Variants in PTPRD observed in about 807,000 individuals in gnomAD.
PTPRD encodes the protein protein tyrosine phosphatase receptor type D.
PTPRD carries 34 observed loss-of-function variants against 214.5 expected under a neutral mutation model. The ratio of observed to expected loss-of-function variants is 0.16; its 90% CI spans 0.12 to 0.21. The LOEUF is 0.21. PTPRD is among the 10% of genes least tolerant of loss of function. The probability of loss-of-function intolerance (pLI) is 1.00; values close to 1 mark genes in which losing one functional copy is unlikely to be tolerated. For missense variants in PTPRD, 2,545 were observed against 2,398.7 expected, an observed-to-expected ratio of 1.06 and a Z score of -1.27; for synonymous variants, 1,128 against 845.7, an observed-to-expected ratio of 1.33 and a Z score of -5.79.
At chr9:9,988,332 CT>C (rs2095794591) in intron 4 of PTPRD, among the ~76,000 whole-genome samples, 1 of 152,124 alleles carries the variant, frequency 6.6e-6, no homozygotes, top group South Asian at 2.1e-4. Flanking sequence ...TTTGTTTTCT[CT>C]ATCAGAAGTT....
chr9:9,045,970 GC>G (rs2099671196), intron 10 of PTPRD, among the ~76,000 whole-genome samples: 1 of 152,142 alleles, frequency 6.6e-6, no homozygotes, highest in African/African-American at 2.4e-5. Flanking sequence ...CCTCGGTTCT[GC>G]ACAGTTTGTA....
intron 11 of PTPRD, among the ~76,000 whole-genome samples, chr9:8,762,112 A>G (rs975334228): frequency 6.6e-6 from 1 of 152,170 alleles, no homozygotes; most frequent in East Asian, 1.9e-4. Flanking sequence ...GTGTGTGTGT[A>G]TATATATACA....
chr9:10,577,379 A>C (rs1289383588), intron 2 of PTPRD, among the ~76,000 whole-genome samples: 1 of 152,216 alleles, frequency 6.6e-6, no homozygotes. Flanking sequence ...ATTGAATGGT[A>C]AGTCAAATTA....
At chr9:9,248,514 G>A (rs1001316099) in intron 9 of PTPRD, among the ~76,000 whole-genome samples, 1 of 152,062 alleles carries the variant, frequency 6.6e-6, no homozygotes, top group African/African-American at 2.4e-5. Flanking sequence ...AGTAAGCAAT[G>A]GTGGAGACAG....
chr9:9,238,776 C>T (rs7038241), intron 9 of PTPRD, among the ~76,000 whole-genome samples: 2 of 152,182 alleles, frequency 1.3e-5, no homozygotes, highest in African/African-American at 2.4e-5. Context: ...CTTTTATCTT[C>T]ATTTTGAGAG....
chr9:10,079,035 T>C (rs988651757), intron 3 of PTPRD, among the ~76,000 whole-genome samples: 2 of 152,132 alleles, frequency 1.3e-5, no homozygotes, highest in African/African-American at 4.8e-5. Flanking sequence ...AACAATTATG[T>C]GCACATAACT....
intron 10 of PTPRD, among the ~76,000 whole-genome samples, chr9:9,105,786 G>T (rs980329325): frequency 6.6e-6 from 1 of 152,176 alleles, no homozygotes; most frequent in African/African-American, 2.4e-5. Context: ...AATTGATGTG[G>T]CTTTGCTTAA....
At chr9:10,157,329 T>A (rs1463000418) in intron 3 of PTPRD, among the ~76,000 whole-genome samples, 2 of 152,216 alleles carry the variant, frequency 1.3e-5, no homozygotes, top group African/African-American at 4.8e-5. Context: ...TGGTCTGGTT[T>A]TTACAAATTC....
At chr9:8,685,456 G>A (rs1190059100) in intron 12 of PTPRD, among the ~76,000 whole-genome samples, 1 of 152,102 alleles carries the variant, frequency 6.6e-6, no homozygotes, top group Non-Finnish European at 1.5e-5. Context: ...TGGAGTTTCA[G>A]AAGAACTCCT....
intron 35 of PTPRD, among the ~76,000 whole-genome samples, chr9:8,417,423 C>G (rs901878744): frequency 1.3e-5 from 2 of 152,114 alleles, no homozygotes; most frequent in Non-Finnish European, 1.5e-5. Flanking sequence ...GCTGTATTGG[C>G]AGAAACTACT....
intron 11 of PTPRD, among the ~76,000 whole-genome samples, chr9:8,927,283 A>G (rs1295405911): frequency 6.6e-6 from 1 of 152,066 alleles, no homozygotes; most frequent in African/African-American, 2.4e-5. Flanking sequence ...GCAGGCTTGT[A>G]ACATAGGCAT....
chr9:10,591,600 A>T (rs2075454858), intron 2 of PTPRD, among the ~76,000 whole-genome samples: 1 of 151,980 alleles, frequency 6.6e-6, no homozygotes, highest in Non-Finnish European at 1.5e-5. Flanking sequence ...GAAACAGAAA[A>T]CGAGGTCACA....
At chr9:9,325,496 C>T (rs1300581463) in intron 9 of PTPRD, among the ~76,000 whole-genome samples, 1 of 152,038 alleles carries the variant, frequency 6.6e-6, no homozygotes, top group African/African-American at 2.4e-5. Context: ...CTCTGTTTGT[C>T]TGTTGTTGGT....
intron 3 of PTPRD, among the ~76,000 whole-genome samples, chr9:10,111,933 T>C (rs1563884709): frequency 6.6e-6 from 1 of 152,332 alleles, no homozygotes; most frequent in Admixed American, 6.5e-5. Flanking sequence ...TTTTTCTTTA[T>C]TTCTATCAGT....
intron 11 of PTPRD, among the ~76,000 whole-genome samples, chr9:8,757,625 TA>T (rs950425607): frequency 4.9e-5 from 7 of 144,026 alleles, no homozygotes; most frequent in Admixed American, 3.4e-4. Context: ...ATTCTGCATA[TA>T]TATATATATA....
chr9:10,096,583 G>T (rs573449664), intron 3 of PTPRD, among the ~76,000 whole-genome samples: 68 of 151,960 alleles, frequency 4.5e-4, no homozygotes, highest in Admixed American at 2.6e-3. Flanking sequence ...TTTTGATGGG[G>T]TTTTTTGTTT....
chr9:8,493,616 T>A (rs1032082028), intron 26 of PTPRD, among the ~76,000 whole-genome samples: 18 of 152,176 alleles, frequency 1.2e-4, no homozygotes, highest in African/African-American at 4.3e-4. Context: ...TTATTGGTTA[T>A]TTGTATAGGC....
At chr9:9,186,256 G>C (rs905367973) in intron 9 of PTPRD, among the ~76,000 whole-genome samples, 2 of 152,050 alleles carry the variant, frequency 1.3e-5, no homozygotes, top group Admixed American at 1.3e-4. Context: ...ATAACAATAA[G>C]GGTTCTTTCA....
intron 9 of PTPRD, among the ~76,000 whole-genome samples, chr9:9,360,111 G>A (rs1464612457): frequency 2.0e-5 from 3 of 151,166 alleles, no homozygotes; most frequent in Non-Finnish European, 4.4e-5. Context: ...AATATTTGTG[G>A]TAAGTACAAT....
Sources: gnomAD v4.1 joint callset for allele counts (sites outside exome capture counted in the v4.1 genomes callset) on GRCh38, gnomAD v4.1.1 for gene constraint, MANE v1.5 for transcripts, NCBI Gene and HGNC (gene_info 2026-07-23, HGNC 2026-07-21) for gene names.